Variants in STAB1 observed in about 807,000 individuals in gnomAD.
STAB1 encodes stabilin 1.
Under a neutral mutation model 332.4 loss-of-function variants are expected in STAB1, and 250 were observed. The ratio of observed to expected loss-of-function variants is 0.75; its 90% CI spans 0.68 to 0.84. The LOEUF is 0.84. Among genes scored for constraint, STAB1 ranks in the 40% least tolerant of loss-of-function variants. STAB1 has a pLI of 0.00. For synonymous variants in STAB1, 1,475 were observed against 1,390.4 expected, an observed-to-expected ratio of 1.06 and a Z score of -1.35; for missense variants, 3,249 against 3,489.7, an observed-to-expected ratio of 0.93 and a Z score of 1.74.
In STAB1 at chr3:52,503,375, A is replaced by G. The variant is rs749140590; in HGVS notation, c.726A>G (p.Ser242=). Residue 242 remains serine, a synonymous_variant, in exon 8 of 69, where the codon TCA becomes TCG. Coordinates refer to ENST00000321725, the MANE Select transcript of STAB1 (RefSeq NM_015136.3). ...APNPCWPSPC[S]LLAQCSVSPK... ...ACCCCTGCTGGCCATCACCCTGCTC[A>G]CTGCTGGCCCAGTGCTCGGTGAGCC... The G allele has an allele frequency of 2.7e-5, 44 of 1,612,934 alleles. No homozygotes were observed. Among genetic ancestry groups the G allele is most frequent in the Non-Finnish European group, 3.7e-5 (44 of 1,179,844 alleles).
Position 52,518,333 on chromosome 3 carries a change from G to A in STAB1, c.4783G>A (p.Ala1595Thr). 1 of 1,612,848 alleles carries A rather than the reference G, an allele frequency of 6.2e-7. No homozygotes were observed. The highest frequency in any genetic ancestry group is 1.1e-5 in the South Asian group (1 of 91,046). Residue 1595 changes from alanine (A) to threonine (T), a missense_variant, in exon 46 of 69, where the codon GCC (alanine) becomes ACC (threonine). Coordinates refer to ENST00000321725, the MANE Select transcript of STAB1 (RefSeq NM_015136.3). Reference sequence around the variant, plus strand: ...CCAGGAGCTCCTGAGGGATAAGCATGCCTCATTCTTCAGCCTCCGCCTCCT... The same window carrying A: ...CCAGGAGCTCCTGAGGGATAAGCATACCTCATTCTTCAGCCTCCGCCTCCT... ...VGLELLRDKH[A>T]SFFSLRLLEY...
At chr3:52,497,215 C>A (rs759287295) in intron 1 of STAB1, among the ~76,000 whole-genome samples, 6 of 151,936 alleles carry the variant, frequency 3.9e-5, no homozygotes, top group Non-Finnish European at 8.8e-5. Flanking sequence ...GTCTGTAACT[C>A]CTGACCTCAG....
chr3:52,495,605 C>A, intron 1 of STAB1, 114 bp downstream of exon 1: 2 of 996,044 alleles, frequency 2.0e-6, no homozygotes, highest in Non-Finnish European at 2.6e-6. Context: ...CCGCAGCTGG[C>A]GCCTGTCTGG....
chr3:52,508,514 A>G (rs1356781452), intron 21 of STAB1, 155 bp downstream of exon 21: 3 of 734,904 alleles, frequency 4.1e-6, no homozygotes, highest in South Asian at 1.5e-5. Flanking sequence ...ATTATTTCTC[A>G]TATTTTAATT....
At position 52,513,184 on chromosome 3, in the gene STAB1, G is replaced by A. The variant is rs1282055752; in HGVS notation, c.3213G>A (p.Gly1071=). Residue 1071 remains glycine (G), a synonymous_variant, in exon 30 of 69, where the codon GGG becomes GGA. Coordinates refer to ENST00000321725, the MANE Select transcript of STAB1 (RefSeq NM_015136.3). The part of the protein sequence containing the change: ...LFEEELARLG[G]QEVATLNPTT... ...AGGAGGAGCTGGCCCGGCTGGGTGG[G>A]CAGGAAGTGGCCACCCTGAACCCCA... 4 of 1,586,182 alleles carry A rather than the reference G, an allele frequency of 2.5e-6. No homozygotes were observed. The highest frequency in any genetic ancestry group is 1.2e-5 in the South Asian group (1 of 86,668).
In STAB1 at chr3:52,503,066, C is replaced by T; in HGVS notation, c.651C>T (p.Cys217=). 1 of 1,602,710 alleles carries T rather than the reference C, an allele frequency of 6.2e-7. No homozygotes were observed. Among genetic ancestry groups the T allele is most frequent in the Non-Finnish European group, 8.5e-7 (1 of 1,175,906 alleles). Residue 217 remains cysteine (C), a synonymous_variant, in exon 7 of 69, where the codon TGC becomes TGT. Transcript: ENST00000321725. The part of the protein sequence containing the change: ...NTQCSAEAPS[C]RCLPGYTQQG... ...AGTGCTCCGCAGAGGCTCCCAGCTG[C>T]AGGTGCCTGCCCGGCTACACACAGC...
intron 50 of STAB1, 180 bp downstream of exon 50, chr3:52,519,744 T>C (rs1384915452): frequency 1.8e-6 from 2 of 1,136,110 alleles, no homozygotes; most frequent in African/African-American, 3.1e-5. Flanking sequence ...GTTGAGCACA[T>C]GGGTGTGCTT....
At position 52,510,474 on chromosome 3, in the gene STAB1, C is replaced by T. The variant is rs761078312; in HGVS notation, c.2754C>T (p.Thr918=). 15 of 1,613,540 alleles carry T rather than the reference C, an allele frequency of 9.3e-6. No individual in the cohort carries two copies. The highest frequency in any genetic ancestry group is 1.6e-4 in the Middle Eastern group (1 of 6,082). Residue 918 remains threonine, a synonymous_variant, in exon 25 of 69, where the codon ACC becomes ACT. Coordinates refer to ENST00000321725, the MANE Select transcript of STAB1 (RefSeq NM_015136.3). ...CELDMRGGCH[T]DALCSYVGPG... is the part of the protein sequence containing the mutation. ...TGGACATGAGAGGTGGCTGCCACAC[C>T]GATGCCCTCTGCAGCTATGTGGGCC...
At chr3:52,507,580 C>A (rs934274556) in intron 18 of STAB1, 33 bp from the exon 19 acceptor site, 3 of 1,603,672 alleles carry the variant, frequency 1.9e-6, no homozygotes, top group African/African-American at 1.3e-5. Context: ...CAATGACTAA[C>A]CCCTCTCCCC....
chr3:52,504,703 C>A, intron 11 of STAB1, 36 bp from the exon 12 acceptor site: 1 of 1,613,452 alleles, frequency 6.2e-7, no homozygotes, highest in South Asian at 1.1e-5. Context: ...AGGACTGGCC[C>A]CCCGGCTCAC....
At chr3:52,521,535 G>C (rs369129954) in intron 56 of STAB1, 25 bp downstream of exon 56, 1 of 1,613,792 alleles carries the variant, frequency 6.2e-7, no homozygotes, top group Non-Finnish European at 8.5e-7. Context: ...CCTGCCCCAC[G>C]GCCCGATTCC....
chr3:52,504,115 C>A lies in STAB1; in HGVS notation c.1110C>A (p.Gly370=), dbSNP rs986715934. The A allele has an allele frequency of 1.3e-6, 2 of 1,592,114 alleles. No homozygotes were observed. Among genetic ancestry groups the A allele is most frequent in the Non-Finnish European group, 1.7e-6 (2 of 1,170,220 alleles). ...AGGTGCAGAAGGCCACGCAGACAGGCCGGGTGTTCCTGCAGCTGAGGGTCG... is the reference window on the plus strand; with the variant it reads ...AGGTGCAGAAGGCCACGCAGACAGGACGGGTGTTCCTGCAGCTGAGGGTCG... ...LHEVQKATQT[G]RVFLQLRVAV... Residue 370 remains glycine, a synonymous_variant, in exon 10 of 69, where the codon GGC becomes GGA. Transcript: ENST00000321725.
At chr3:52,517,508 CTGT>C (rs1457031060) in intron 43 of STAB1, 39 bp from the exon 44 acceptor site, 2 of 1,606,418 alleles carry the variant, frequency 1.2e-6, no homozygotes, top group African/African-American at 2.7e-5. Flanking sequence ...TGCTGGCCAG[CTGT>C]TGGCTCCCAG....
In STAB1 at chr3:52,522,056, C is replaced by A. The variant is rs140813507; in HGVS notation, c.6291C>A (p.Asp2097Glu). Reference sequence around the variant, plus strand: ...CCTCAGTGGCAGACCTGTGCCAGGACGGGCATGGTGGCTGCAGTGAGCACG... The same window carrying A: ...CCTCAGTGGCAGACCTGTGCCAGGAAGGGCATGGTGGCTGCAGTGAGCACG... Reference protein sequence around the residue: ...RVCTVADLCQDGHGGCSEHAN... With the variant: ...RVCTVADLCQEGHGGCSEHAN... The change falls in exon 59 of 69, where the codon GAC (aspartate) becomes GAA (glutamate). Residue 2097 changes from aspartate to glutamate, a missense_variant. Transcript: ENST00000321725. 6.2e-7 allele frequency: 1 copy of A among 1,613,206 alleles called. No individual in the cohort carries two copies. Among genetic ancestry groups the A allele is most frequent in the Non-Finnish European group, 8.5e-7 (1 of 1,179,964 alleles).
chr3:52,515,165 A>G, intron 36 of STAB1, 120 bp downstream of exon 36: 1 of 1,312,868 alleles, frequency 7.6e-7, no homozygotes, highest in Non-Finnish European at 1.1e-6. Context: ...GGCTCAGGGA[A>G]CTGGGTGGCT....
intron 18 of STAB1, among the ~76,000 whole-genome samples, chr3:52,507,281 G>A (rs1708947301): frequency 6.6e-6 from 1 of 152,220 alleles, no homozygotes; most frequent in South Asian, 2.1e-4. Context: ...CTGACCTCAG[G>A]TGATCCGCCC....
In STAB1 at chr3:52,522,406, T is replaced by C. The variant is rs1367481913; in HGVS notation, c.6542T>C (p.Val2181Ala). Residue 2181 changes from valine (V) to alanine (A), a missense_variant, in exon 60 of 69, where the codon GTG (valine) becomes GCG (alanine). Val to Ala is a moderately conservative substitution (Grantham distance 64). Coordinates refer to ENST00000321725, the MANE Select transcript of STAB1 (RefSeq NM_015136.3). The stretch of plus-strand genomic sequence containing the variant: ...TGTCTGGAGGAGTCGGAACCACCTG[T>C]GGACCGCTGCTTGGGCCAGCCACCG... ...LQCLEESEPPVDRCLGQPPPC... is the reference protein window; with the variant it reads ...LQCLEESEPPADRCLGQPPPC... The C allele has an allele frequency of 8.7e-6, 14 of 1,612,964 alleles. No individual in the cohort carries two copies. In the Admixed American group the frequency reaches 1.0e-4, roughly 12 times the overall value.
chr3:52,507,135 C>T (rs1350486983), intron 18 of STAB1, among the ~76,000 whole-genome samples: 4 of 152,246 alleles, frequency 2.6e-5, no homozygotes, highest in Non-Finnish European at 5.9e-5. Context: ...GCCTCCGCAT[C>T]CTGGGTTCAA....
At chr3:52,505,973 C>G (rs779591309) in intron 16 of STAB1, 37 bp downstream of exon 16, 1 of 1,611,896 alleles carries the variant, frequency 6.2e-7, no homozygotes, top group Non-Finnish European at 8.5e-7. Flanking sequence ...CCAGCTTGTA[C>G]CCGGTGGGCC....
Sources: allele counts gnomAD v4.1 joint callset (sites outside exome capture counted in the v4.1 genomes callset), GRCh38; gene constraint gnomAD v4.1.1; transcripts MANE v1.5; gene names NCBI Gene and HGNC (gene_info 2026-07-23, HGNC 2026-07-21).